CDH15: variants seen among roughly 807,000 people sequenced by gnomAD.
The protein encoded by CDH15 is cadherin-15.
CDH15 carries 73 observed loss-of-function variants against 69.4 expected under a neutral mutation model. The observed-to-expected ratio is 1.05, with a 90% confidence interval of 0.87 to 1.28. CDH15 has a LOEUF of 1.28. Among genes scored for constraint, CDH15 ranks in the 50% most tolerant of loss-of-function variants. The pLI, the probability that CDH15 is intolerant of heterozygous loss-of-function variation, is 0.00. For missense variants in CDH15, 1,343 were observed against 1,133.6 expected (o/e 1.18, Z -2.65); for synonymous variants, 624 against 507.7 (o/e 1.23, Z -3.08).
Position 89,171,886 on chromosome 16 carries a change from C to A in CDH15, c.42+13C>A. 1.3e-6 allele frequency: 2 copies of A among 1,552,736 alleles called. No individual in the cohort carries two copies. Among genetic ancestry groups the A allele is most frequent in the Non-Finnish European group, 1.7e-6 (2 of 1,152,192 alleles). ...GCTGTTGGCCCAGGTAAGGCATCGG[C>A]ACCTGCGGGGGTCCCCGCTGCCTCC... On this transcript the variant is annotated intron_variant, in intron 1 of 13. Transcript: ENST00000289746.
intron 7 of CDH15, among the ~76,000 whole-genome samples, 170 bp downstream of exon 7, chr16:89,188,455 G>A (rs1251133954): frequency 5.6e-5 from 5 of 89,068 alleles, no homozygotes; most frequent in Admixed American, 5.2e-4. Flanking sequence ...CACACATGCC[G>A]GCACACACAG....
intron 4 of CDH15, among the ~76,000 whole-genome samples, chr16:89,184,312 G>A (rs946693384): frequency 1.1e-4 from 17 of 152,200 alleles, no homozygotes; most frequent in Admixed American, 2.0e-4. Flanking sequence ...CTGTCCCGGG[G>A]GGAAGTCACA....
intron 3 of CDH15, 175 bp from the exon 4 acceptor site, chr16:89,183,373 G>A: frequency 1.4e-6 from 1 of 700,280 alleles, no homozygotes; most frequent in African/African-American, 1.8e-5. Flanking sequence ...CTCCCGTTCA[G>A]GGACGTCCTC....
chr16:89,188,162 C>T lies in CDH15; in HGVS notation c.855C>T (p.Asp285=), dbSNP rs1158098011. ...ATGTGGGACGCCTGGAAGTGGAGGA[C>T]AGGGACCTGCCAGGCTCCCCAAACT... ...GVDVGRLEVE[D]RDLPGSPNWV... Residue 285 remains aspartate (D), a synonymous_variant, in exon 7 of 14, where the codon GAC becomes GAT. Coordinates refer to ENST00000289746, the MANE Select transcript of CDH15 (RefSeq NM_004933.3). The T allele has an allele frequency of 1.9e-6, 3 of 1,613,388 alleles. No individual in the cohort carries two copies. Among genetic ancestry groups the T allele is most frequent in the Middle Eastern group, 1.6e-4 (1 of 6,062 alleles).
Position 89,191,385 on chromosome 16 carries a change from C to A in CDH15, c.1288C>A (p.Arg430=), listed in dbSNP as rs201216557. ...GCTGCAAGTGGACGCAGCCACTGGC[C>A]GGATCCAGACCCAGCACGTGCTCAG... is the stretch of plus-strand genomic sequence containing the variant. ...DWLQVDAATG[R]IQTQHVLSPA... Residue 430 remains arginine (R), a synonymous_variant, in exon 9 of 14, where the codon CGG becomes AGG. Coordinates refer to ENST00000289746, the MANE Select transcript of CDH15 (RefSeq NM_004933.3). The A allele has an allele frequency of 1.2e-6, 2 of 1,612,652 alleles. No homozygotes were observed. The highest frequency in any genetic ancestry group is 1.3e-5 in the African/African-American group (1 of 74,912).
At chr16:89,186,743 CAGA>C (rs1297717631) in intron 5 of CDH15, among the ~76,000 whole-genome samples, 7 of 147,606 alleles carry the variant, frequency 4.7e-5, no homozygotes, top group African/African-American at 7.4e-5. Flanking sequence ...ACCCAGCGCA[CAGA>C]AGGTGCTCTG....
At chr16:89,186,597 A>G (rs56393180) in intron 5 of CDH15, among the ~76,000 whole-genome samples, 3 of 113,100 alleles carry the variant, frequency 2.7e-5, no homozygotes, top group Non-Finnish European at 1.8e-5. Flanking sequence ...GGTGCTCTGT[A>G]AACGCTCACC....
At position 89,195,420 on chromosome 16, in the gene CDH15, C is replaced by A; in HGVS notation, c.*265C>A. On this transcript the variant is annotated 3_prime_UTR_variant, in exon 14 of 14. Transcript: ENST00000289746. ...CCCACCTTTGCCTCCTACCAGTGAACCTCATCTTTGTATGAAAGACAGCAA... is the reference window on the plus strand; with the variant it reads ...CCCACCTTTGCCTCCTACCAGTGAAACTCATCTTTGTATGAAAGACAGCAA... 1 of 518,656 alleles carries A rather than the reference C, an allele frequency of 1.9e-6. No individual in the cohort carries two copies. Among genetic ancestry groups the A allele is most frequent in the East Asian group, 3.1e-5 (1 of 32,624 alleles). 32.1% of individuals were successfully genotyped at this position (518,656 alleles called of 1,614,324 possible).
At chr16:89,176,294 A>G (rs984987950) in intron 1 of CDH15, among the ~76,000 whole-genome samples, 1 of 152,176 alleles carries the variant, frequency 6.6e-6, no homozygotes, top group Non-Finnish European at 1.5e-5. Flanking sequence ...AGGGTGAGGC[A>G]TTGGCACGGG....
intron 13 of CDH15, among the ~76,000 whole-genome samples, 158 bp downstream of exon 13, chr16:89,194,071 G>A (rs1020290537): frequency 2.0e-5 from 3 of 152,260 alleles, no homozygotes; most frequent in African/African-American, 7.2e-5. Flanking sequence ...GCGGGCGGGA[G>A]TGTGGAAGCC....
At chr16:89,172,426 G>T (rs1056950713) in intron 1 of CDH15, among the ~76,000 whole-genome samples, 2 of 152,126 alleles carry the variant, frequency 1.3e-5, no homozygotes, top group African/African-American at 4.8e-5. Flanking sequence ...GGCCCAGCCC[G>T]AGCCAGGTCG....
At chr16:89,177,319 G>T (rs987051639) in intron 1 of CDH15, among the ~76,000 whole-genome samples, 1 of 152,192 alleles carries the variant, frequency 6.6e-6, no homozygotes, top group East Asian at 1.9e-4. Context: ...CACACATGGG[G>T]CCTTAACCAC....
rs1429181133 is a variant in CDH15, at chr16:89,188,267, T to A, written c.960T>A (p.Gly320=). The A allele has an allele frequency of 1.2e-6, 2 of 1,613,274 alleles. No homozygotes were observed. The highest frequency in any genetic ancestry group is 4.5e-5 in the East Asian group (2 of 44,870). ...TIRTDPKTNE[G]VLSIVKALDY... ...GCACGGACCCCAAGACCAACGAGGG[T>A]GTTCTGTCCATTGTGAAGGTGAGCG... Residue 320 remains glycine (G), a synonymous_variant, in exon 7 of 14, where the codon GGT becomes GGA. Transcript: ENST00000289746.
At chr16:89,192,049 G>T (rs921847062) in intron 10 of CDH15, among the ~76,000 whole-genome samples, 155 bp downstream of exon 10, 1 of 147,394 alleles carries the variant, frequency 6.8e-6, no homozygotes, top group East Asian at 2.2e-4. Context: ...GCATCCTCCC[G>T]TGGGGCAGGG....
At chr16:89,193,699 C>T in intron 12 of CDH15, 56 bp from the exon 13 acceptor site, 1 of 1,580,122 alleles carries the variant, frequency 6.3e-7, no homozygotes, top group Non-Finnish European at 8.6e-7. Flanking sequence ...GTACCTGAGA[C>T]CTCCACCAGG....
Position 89,188,163 on chromosome 16 carries a change from A to C in CDH15, c.856A>C (p.Arg286=), listed in dbSNP as rs767265533. ...TGTGGGACGCCTGGAAGTGGAGGAC[A>C]GGGACCTGCCAGGCTCCCCAAACTG... ...VDVGRLEVED[R]DLPGSPNWVA... The change falls in exon 7 of 14, where the codon AGG becomes CGG. Residue 286 remains arginine, a synonymous_variant. Transcript: ENST00000289746. The C allele has an allele frequency of 1.9e-6, 3 of 1,613,396 alleles. No individual in the cohort carries two copies. Among genetic ancestry groups the C allele is most frequent in the South Asian group, 2.2e-5 (2 of 90,974 alleles).
chr16:89,193,246 C>A (rs888752748), intron 11 of CDH15, among the ~76,000 whole-genome samples: 3 of 138,226 alleles, frequency 2.2e-5, no homozygotes, highest in Admixed American at 7.3e-5. Context: ...CAGCCAAGCT[C>A]CCTCCTCCAC....
chr16:89,188,785 C>T (rs1404810641), intron 7 of CDH15, among the ~76,000 whole-genome samples: 1 of 146,740 alleles, frequency 6.8e-6, no homozygotes, highest in African/African-American at 2.5e-5. Flanking sequence ...CACACAGATG[C>T]CCACGCACAG....
In CDH15 at chr16:89,191,692, C is replaced by T. The variant is rs770883275; in HGVS notation, c.1413C>T (p.Ile471=). The T allele has an allele frequency of 8.7e-6, 14 of 1,601,320 alleles. No homozygotes were observed. The South Asian group carries it at 1.2e-4, about 14-fold the overall frequency. ...QPRTATGTLS[I]EILEVNDHAP... ...GCACCGCCACCGGCACCCTGTCCAT[C>T]GAGATCCTGGAGGTGAACGACCATG... The change falls in exon 10 of 14, where the codon ATC becomes ATT. Residue 471 remains isoleucine (I), a synonymous_variant. Transcript: ENST00000289746.
Sources: gnomAD v4.1 joint callset for allele counts (sites outside exome capture counted in the v4.1 genomes callset) on GRCh38, gnomAD v4.1.1 for gene constraint, MANE v1.5 for transcripts, NCBI Gene and HGNC (gene_info 2026-07-23, HGNC 2026-07-21) for gene names.